KCNIP4: variants seen among roughly 807,000 people sequenced by gnomAD.
KCNIP4 encodes the protein Kv channel-interacting protein 4.
In KCNIP4, 12 loss-of-function variants were observed where a neutral mutation model predicts 34.0. That is an observed-to-expected ratio of 0.35 (90% CI 0.23 to 0.57). The LOEUF (loss-of-function observed/expected upper bound fraction) is 0.57, where lower values mean the gene tolerates loss of function less well. KCNIP4 is among the 20% of genes least tolerant of loss of function. The pLI is 0.83. For missense variants in KCNIP4, 238 were observed against 311.7 expected (o/e 0.76, Z 1.78); for synonymous variants, 124 against 102.2 (o/e 1.21, Z -1.29).
In KCNIP4 at chr4:21,528,746, A is replaced by G. The variant is rs1437959865; in HGVS notation, c.61+419825T>C. Reference sequence around the variant, plus strand: ...AAGAAAGAAAGAAAGAAAGAAAGAAAGAAAGAAAGAAAGAAAGAAAGAAAG... The same window carrying G: ...AAGAAAGAAAGAAAGAAAGAAAGAAGGAAAGAAAGAAAGAAAGAAAGAAAG... On this transcript the variant is annotated intron_variant, in intron 1 of 8. Coordinates refer to ENST00000382152, the MANE Select transcript of KCNIP4 (RefSeq NM_025221.6). Among the ~76,000 whole-genome samples, 5 of 6,564 alleles carry G rather than the reference A, an allele frequency of 7.6e-4. No individual in the cohort carries two copies. In the East Asian group the frequency reaches 0.017, roughly 22 times the overall value. The allele number at this position is 6,564 out of a possible 152,430, so 4.3% of individuals were successfully genotyped here. A position where few individuals can be genotyped will look rare whatever the true frequency, so the allele number is the denominator to read the frequency against.
At chr4:21,357,150 T>C (rs536799021) in intron 1 of KCNIP4, among the ~76,000 whole-genome samples, 1 of 152,246 alleles carries the variant, frequency 6.6e-6, no homozygotes, top group South Asian at 2.1e-4. Context: ...CCTTACAACT[T>C]ATAGAAAAAT....
chr4:21,671,827 GA>G (rs1220197282), intron 1 of KCNIP4, among the ~76,000 whole-genome samples: 1 of 152,038 alleles, frequency 6.6e-6, no homozygotes, highest in Non-Finnish European at 1.5e-5. Flanking sequence ...TGATTCCAAG[GA>G]AAAAAGTTAG....
At chr4:21,057,796 C>A (rs1743551892) in intron 1 of KCNIP4, among the ~76,000 whole-genome samples, 1 of 152,096 alleles carries the variant, frequency 6.6e-6, no homozygotes, top group Admixed American at 6.5e-5. Context: ...TCTGAAAGCA[C>A]AGGATAAGAA....
At position 21,829,172 on chromosome 4, in the gene KCNIP4, T is replaced by C. The variant is rs146502102; in HGVS notation, c.61+119399A>G. Among the ~76,000 whole-genome samples, 531 of 152,198 alleles carry C rather than the reference T, an allele frequency of 3.5e-3. 3 individuals carry two copies. Among genetic ancestry groups the C allele is most frequent in the Non-Finnish European group, 6.2e-3 (418 of 67,960 alleles). Reference sequence around the variant, plus strand: ...GCAATCTTTGGGTTTGGATCGGTTATTGATTTCAATAGAAACCATAACCCC... The same window carrying C: ...GCAATCTTTGGGTTTGGATCGGTTACTGATTTCAATAGAAACCATAACCCC... On this transcript the variant is annotated intron_variant, in intron 1 of 8. Coordinates refer to ENST00000382152, the MANE Select transcript of KCNIP4 (RefSeq NM_025221.6).
At chr4:21,123,228 C>A (rs913220535) in intron 1 of KCNIP4, among the ~76,000 whole-genome samples, 8 of 152,028 alleles carry the variant, frequency 5.3e-5, no homozygotes, top group Non-Finnish European at 7.4e-5. Flanking sequence ...TTACTGTTGA[C>A]TTTGACTTTT....
At chr4:21,419,238 C>T (rs1725235831) in intron 1 of KCNIP4, among the ~76,000 whole-genome samples, 1 of 152,144 alleles carries the variant, frequency 6.6e-6, no homozygotes. Flanking sequence ...GAATGTGAAG[C>T]ATGTTTAATA....
At chr4:21,467,070 A>C (rs1202223442) in intron 1 of KCNIP4, among the ~76,000 whole-genome samples, 3 of 98,370 alleles carry the variant, frequency 3.0e-5, no homozygotes, top group Admixed American at 2.3e-4. Context: ...CCAAACCAAA[A>C]CAAACACACA....
chr4:20,831,101 A>G (rs888480728), intron 3 of KCNIP4, among the ~76,000 whole-genome samples: 16 of 152,196 alleles, frequency 1.1e-4, no homozygotes, highest in Admixed American at 9.2e-4. Flanking sequence ...TACTTTTTCC[A>G]TAAAACCTAA....
chr4:21,102,644 T>G (rs1412497111), intron 1 of KCNIP4, among the ~76,000 whole-genome samples: 1 of 152,238 alleles, frequency 6.6e-6, no homozygotes, highest in Non-Finnish European at 1.5e-5. Flanking sequence ...TATTTCCATG[T>G]AATTAATTCT....
chr4:21,051,771 C>G (rs1355753428), intron 1 of KCNIP4, among the ~76,000 whole-genome samples: 1 of 152,140 alleles, frequency 6.6e-6, no homozygotes, highest in African/African-American at 2.4e-5. Context: ...AAGAGGCAAG[C>G]TGATCTTGCT....
At chr4:21,051,864 T>C (rs1742962905) in intron 1 of KCNIP4, among the ~76,000 whole-genome samples, 1 of 152,154 alleles carries the variant, frequency 6.6e-6, no homozygotes, top group South Asian at 2.1e-4. Context: ...TGAAGTAAGA[T>C]TTAGGCTGCA....
chr4:21,044,881 C>A (rs1742302246), intron 1 of KCNIP4, among the ~76,000 whole-genome samples: 1 of 152,012 alleles, frequency 6.6e-6, no homozygotes, highest in African/African-American at 2.4e-5. Context: ...AGGTTGGGGG[C>A]CACCTGCTCC....
chr4:21,926,537 C>A (rs1418536131), intron 1 of KCNIP4, among the ~76,000 whole-genome samples: 1 of 152,166 alleles, frequency 6.6e-6, no homozygotes, highest in Non-Finnish European at 1.5e-5. Context: ...GCCTTGTGTG[C>A]CAGTCTCCAG....
intron 1 of KCNIP4, among the ~76,000 whole-genome samples, chr4:21,685,387 G>C (rs1577841057): frequency 6.6e-6 from 1 of 152,152 alleles, no homozygotes; most frequent in East Asian, 1.9e-4. Flanking sequence ...TGATATCATG[G>C]GGGGAATATA....
intron 1 of KCNIP4, among the ~76,000 whole-genome samples, chr4:20,995,852 G>T (rs1267770302): frequency 6.6e-6 from 1 of 152,194 alleles, no homozygotes; most frequent in Admixed American, 6.5e-5. Flanking sequence ...AAGGGTGTGA[G>T]GAAGCTTACA....
At chr4:21,741,933 A>G (rs1177895293) in intron 1 of KCNIP4, among the ~76,000 whole-genome samples, 1 of 152,100 alleles carries the variant, frequency 6.6e-6, no homozygotes. Flanking sequence ...GCTACTCGGG[A>G]GGATAAGGCA....
chr4:21,087,885 A>C (rs900665949), intron 1 of KCNIP4, among the ~76,000 whole-genome samples: 2 of 152,170 alleles, frequency 1.3e-5, no homozygotes, highest in Admixed American at 1.3e-4. Context: ...CCCTCAGTAG[A>C]CATTTAATGA....
chr4:21,086,251 T>C (rs1359402334), intron 1 of KCNIP4, among the ~76,000 whole-genome samples: 3 of 152,150 alleles, frequency 2.0e-5, no homozygotes, highest in African/African-American at 4.8e-5. Context: ...ATTAATATTA[T>C]TCTCTCATGC....
chr4:21,923,413 C>T (rs1387712305), intron 1 of KCNIP4, among the ~76,000 whole-genome samples: 1 of 152,076 alleles, frequency 6.6e-6, no homozygotes, highest in Non-Finnish European at 1.5e-5. Flanking sequence ...AAAACCCTGT[C>T]TCTATTAAAA....
Sources: gnomAD v4.1 joint callset for allele counts (sites outside exome capture counted in the v4.1 genomes callset) on GRCh38, gnomAD v4.1.1 for gene constraint, MANE v1.5 for transcripts, NCBI Gene and HGNC (gene_info 2026-07-23, HGNC 2026-07-21) for gene names.